Variants in ZC3H7A observed in about 807,000 individuals in gnomAD.
ZC3H7A encodes the protein zinc finger CCCH domain-containing protein 7A.
Under a neutral mutation model 125.5 loss-of-function variants are expected in ZC3H7A, and 44 were observed. The observed-to-expected ratio is 0.35, with a 90% CI of 0.28 to 0.45. The LOEUF is 0.45. Ranked by LOEUF, ZC3H7A falls within the 20% of genes least tolerant of loss-of-function variation. The pLI, the probability that ZC3H7A is intolerant of heterozygous loss-of-function variation, is 1.00. For synonymous variants in ZC3H7A, 399 were observed against 391.2 expected (o/e 1.02, Z -0.23); for missense variants, 977 against 1,170.7 (o/e 0.83, Z 2.41).
intron 8 of ZC3H7A, 42 bp downstream of exon 8, chr16:11,774,938 C>T (rs774902585): frequency 6.2e-7 from 1 of 1,605,028 alleles, no homozygotes; most frequent in South Asian, 1.1e-5. Context: ...AGGTACAAAG[C>T]TGGCACTATT....
At chr16:11,763,757 A>G (rs2052798662) in intron 15 of ZC3H7A, 98 bp from the exon 16 acceptor site, 1 of 90,222 alleles carries the variant, frequency 1.1e-5, no homozygotes, top group Non-Finnish European at 1.8e-5. Context: ...ATATATATAT[A>G]TATATATATA....
chr16:11,764,366 T>G (rs977005152), intron 15 of ZC3H7A, among the ~76,000 whole-genome samples: 1 of 151,998 alleles, frequency 6.6e-6, no homozygotes, highest in Non-Finnish European at 1.5e-5. Flanking sequence ...CCAGCCAACA[T>G]GGTAAAACCC....
In ZC3H7A at chr16:11,774,868, T is replaced by C. The variant is rs1596393658; in HGVS notation, c.619+112A>G. 26 of 1,251,456 alleles carry C rather than the reference T, an allele frequency of 2.1e-5. No homozygotes were observed. In the East Asian group the frequency reaches 5.5e-4, roughly 26 times the overall value. The allele number at this position is 1,251,456 out of a possible 1,614,324, so 77.5% of individuals were successfully genotyped here. ...TCATTTTCACTTTCATATTAATACA[T>C]TAATATGAATATAACCACACAGCGA... On this transcript the variant is annotated intron_variant, in intron 8 of 22. Coordinates refer to ENST00000355758, the MANE Select transcript of ZC3H7A (RefSeq NM_014153.4).
intron 1 of ZC3H7A, among the ~76,000 whole-genome samples, chr16:11,784,660 G>A (rs2053227394): frequency 6.6e-6 from 1 of 152,100 alleles, no homozygotes; most frequent in Non-Finnish European, 1.5e-5. Flanking sequence ...TTCCAGAGCA[G>A]CCTGACCAAT....
chr16:11,764,965 G>T, intron 15 of ZC3H7A, 88 bp downstream of exon 15: 2 of 865,204 alleles, frequency 2.3e-6, no homozygotes, highest in Non-Finnish European at 3.6e-6. Flanking sequence ...AAAGGGCAAT[G>T]CCTGGACAGA....
At chr16:11,761,087 CAATTAAATAA>C (rs1348553476) in intron 19 of ZC3H7A, among the ~76,000 whole-genome samples, 1 of 152,138 alleles carries the variant, frequency 6.6e-6, no homozygotes, top group African/African-American at 2.4e-5. Context: ...AAAGAAATCA[CAATTAAATAA>C]AATTTGCTCT....
At chr16:11,764,385 C>T (rs2052817055) in intron 15 of ZC3H7A, among the ~76,000 whole-genome samples, 1 of 152,064 alleles carries the variant, frequency 6.6e-6, no homozygotes, top group Non-Finnish European at 1.5e-5. Context: ...CCTGTCTCTA[C>T]TAAAAATGCA....
In ZC3H7A at chr16:11,782,360, C is replaced by T. The variant is rs1417711218; in HGVS notation, c.-6G>A. 6.2e-7 allele frequency: 1 copy of T among 1,614,072 alleles called. No individual in the cohort carries two copies. The highest frequency in any genetic ancestry group is 1.1e-5 in the South Asian group (1 of 91,078). ...TCCTCGGACACATTGGACATGTTAT[C>T]CCACACATCCACTTTCTAAATGAGC... is the stretch of plus-strand genomic sequence containing the variant. On this transcript the variant is annotated 5_prime_UTR_variant, in exon 2 of 23. Transcript: ENST00000355758.
At chr16:11,771,563 C>G (rs1047591543) in intron 9 of ZC3H7A, among the ~76,000 whole-genome samples, 1 of 151,660 alleles carries the variant, frequency 6.6e-6, no homozygotes, top group African/African-American at 2.4e-5. Flanking sequence ...TACAGTGGCA[C>G]AATCTCGGCT....
chr16:11,758,141 C>T (rs1597535863), intron 20 of ZC3H7A, among the ~76,000 whole-genome samples: 1 of 152,140 alleles, frequency 6.6e-6, no homozygotes, highest in East Asian at 1.9e-4. Flanking sequence ...TACTGAACTT[C>T]CCCAGGCCAT....
chr16:11,792,749 A>G (rs908355411), intron 1 of ZC3H7A, among the ~76,000 whole-genome samples: 7 of 152,356 alleles, frequency 4.6e-5, no homozygotes, highest in Non-Finnish European at 1.0e-4. Context: ...TCAAAGGCAG[A>G]CAGCCTGGCT....
chr16:11,779,505 C>G (rs1423529350), intron 3 of ZC3H7A, 142 bp from the exon 4 acceptor site: 2 of 693,604 alleles, frequency 2.9e-6, no homozygotes, highest in Non-Finnish European at 4.7e-6. Context: ...GAGATGCAGC[C>G]CAAGTCACTG....
At chr16:11,781,648 A>C (rs987533440) in intron 2 of ZC3H7A, among the ~76,000 whole-genome samples, 184 bp from the exon 3 acceptor site, 24 of 85,310 alleles carry the variant, frequency 2.8e-4, no homozygotes, top group African/African-American at 2.2e-3. Flanking sequence ...AAAAATACAT[A>C]TACATATATA....
chr16:11,768,494 C>G lies in ZC3H7A; in HGVS notation c.1181G>C (p.Gly394Ala). ...NSNSSLLLMN[G>A]PGSLFASENF... The stretch of plus-strand genomic sequence containing the variant: ...CTCTGAAGCAAACAAACTACCTGGT[C>G]CATTCATCTGCAAGAAAAATAAGAA... The change falls in exon 12 of 23, where the codon GGA (glycine) becomes GCA (alanine). Residue 394 changes from glycine (G) to alanine (A), a missense_variant. Gly to Ala is a moderately conservative substitution (Grantham distance 60, BLOSUM62 0). Around this residue, in one of 3 missense-constraint regions of ZC3H7A, gnomAD observed 342 missense variants for 311.3 expected, o/e 1.10. Transcript: ENST00000355758. 1 of 1,448,996 alleles carries G rather than the reference C, an allele frequency of 6.9e-7. No individual in the cohort carries two copies. The highest frequency in any genetic ancestry group is 9.2e-7 in the Non-Finnish European group (1 of 1,090,552). 89.8% of individuals were successfully genotyped at this position (1,448,996 alleles called of 1,614,324 possible). A position where few individuals can be genotyped will look rare whatever the true frequency, so the allele number is the denominator to read the frequency against.
At chr16:11,755,459 T>G (rs895482075) in intron 21 of ZC3H7A, among the ~76,000 whole-genome samples, 3 of 152,094 alleles carry the variant, frequency 2.0e-5, no homozygotes, top group African/African-American at 7.2e-5. Flanking sequence ...ACCAAAACAG[T>G]TAACAGACCA....
chr16:11,761,777 T>C (rs1208917718), intron 18 of ZC3H7A, 133 bp downstream of exon 18: 1 of 1,265,640 alleles, frequency 7.9e-7, no homozygotes. Flanking sequence ...TTCCCTTGTG[T>C]CTGTAATTAT....
Position 11,776,467 on chromosome 16 carries a change from C to T in ZC3H7A, c.531G>A (p.Ala177=), listed in dbSNP as rs778629611. The change falls in exon 6 of 23, where the codon GCG becomes GCA. Residue 177 remains alanine (A), a synonymous_variant. Transcript: ENST00000355758. ...AQKLGFKIRK[A]YVRAELSLKS... is the part of the protein sequence containing the mutation. ...TCCAGCTTACCTCAGCTCTGACATACGCTTTTCTTATTTTAAATCCCAATT... is the reference window on the plus strand; with the variant it reads ...TCCAGCTTACCTCAGCTCTGACATATGCTTTTCTTATTTTAAATCCCAATT... 1.4e-5 allele frequency: 23 copies of T among 1,611,384 alleles called. No homozygotes were observed. Among genetic ancestry groups the T allele is most frequent in the Middle Eastern group, 1.6e-4 (1 of 6,068 alleles).
chr16:11,776,767 G>C lies in ZC3H7A; in HGVS notation c.449C>G (p.Ser150Cys), dbSNP rs367560083. ...ATTCCATACCTGAGGCACTGCTAAGGAGCACTTTGCTACAGCATCGTAAGC... is the reference window on the plus strand; with the variant it reads ...ATTCCATACCTGAGGCACTGCTAAGCAGCACTTTGCTACAGCATCGTAAGC... ...KKAYDAVAKC[S>C]LAVPQDEHVI... Residue 150 changes from serine (S) to cysteine (C), a missense_variant, in exon 5 of 23, where the codon TCC becomes TGC. Transcript: ENST00000355758. 2 of 1,609,276 alleles carry C rather than the reference G, an allele frequency of 1.2e-6. No individual in the cohort carries two copies. Among genetic ancestry groups the C allele is most frequent in the African/African-American group, 2.7e-5 (2 of 74,634 alleles).
At chr16:11,751,761 G>A (rs74397514) in intron 22 of ZC3H7A, among the ~76,000 whole-genome samples, 372 of 152,194 alleles carry the variant, frequency 2.4e-3, no homozygotes, top group Non-Finnish European at 4.6e-3. Context: ...GAATGTAGTA[G>A]AAAGAAATCA....
Sources: allele counts gnomAD v4.1 joint callset (sites outside exome capture counted in the v4.1 genomes callset), GRCh38; gene constraint gnomAD v4.1.1; regional missense constraint gnomAD v4.1.1; transcripts MANE v1.5; gene names NCBI Gene and HGNC (gene_info 2026-07-23, HGNC 2026-07-21).